P2RY8: variants seen among roughly 807,000 people sequenced by gnomAD.
P2RY8 encodes the protein P2Y receptor family member 8.
Under a neutral mutation model 10.0 loss-of-function variants are expected in P2RY8, and 6 were observed. The ratio of observed to expected loss-of-function variants is 0.60; its 90% CI spans 0.33 to 1.19. The LOEUF (loss-of-function observed/expected upper bound fraction) is 1.19, where lower values mean the gene tolerates loss of function less well. P2RY8 is among the 50% of genes most tolerant of loss of function. The pLI is 0.04. For synonymous variants in P2RY8, 276 were observed against 252.5 expected, an observed-to-expected ratio of 1.09 and a Z score of -0.88; for missense variants, 456 against 542.0, an observed-to-expected ratio of 0.84 and a Z score of 1.58.
chrX:1,511,994 T>C (rs1428657563), intron 1 of P2RY8, among the ~76,000 whole-genome samples: 1 of 152,164 alleles, frequency 6.6e-6, no homozygotes, highest in Admixed American at 6.6e-5. Context: ...CCTGTTCCTC[T>C]GCCTTTTTTT....
At chrX:1,528,147 T>C (rs1300614906) in intron 1 of P2RY8, among the ~76,000 whole-genome samples, 1 of 152,206 alleles carries the variant, frequency 6.6e-6, no homozygotes, top group Admixed American at 6.5e-5. Context: ...AGAAGTTTCC[T>C]GTGTTCATGC....
At chrX:1,521,679 AGGAAGG>A in intron 1 of P2RY8, among the ~76,000 whole-genome samples, 1 of 152,238 alleles carries the variant, frequency 6.6e-6, no homozygotes, top group Admixed American at 6.6e-5. Context: ...GAAACGGCAA[AGGAAGG>A]TGTGTTTACT....
chrX:1,507,317 A>ATGG lies in P2RY8; in HGVS notation c.-25+29603_-25+29604insCCA, dbSNP rs2092243581. Among the ~76,000 whole-genome samples the ATGG allele has an allele frequency of 2.6e-5, 4 of 152,084 alleles. No individual in the cohort carries two copies. The South Asian group carries it at 8.3e-4, about 32-fold the overall frequency. On this transcript the variant is annotated intron_variant, in intron 1 of 1. Coordinates refer to ENST00000381297, the MANE Select transcript of P2RY8 (RefSeq NM_178129.5). ...CCCCTAGATTTCACCGGACGAGATG[A>ATGG]GACCTGACATTCCACATTGTCCTTG...
intron 1 of P2RY8, among the ~76,000 whole-genome samples, chrX:1,524,561 C>G (rs867360265): frequency 0.12 from 751 of 6,372 alleles, 39 homozygotes; most frequent in African/African-American, 0.25. Flanking sequence ...ATGCATGCAT[C>G]CATCCATCCA....
At chrX:1,499,342 T>C (rs4582726) in intron 1 of P2RY8, among the ~76,000 whole-genome samples, 53,487 of 151,564 alleles carry the variant, frequency 0.35, 13,396 homozygotes, top group African/African-American at 0.71. Context: ...ATTTTTATAT[T>C]TTTAGTAGAG....
At chrX:1,482,723 GA>G (rs1282341905) in intron 1 of P2RY8, among the ~76,000 whole-genome samples, 1 of 152,098 alleles carries the variant, frequency 6.6e-6, no homozygotes, top group Non-Finnish European at 1.5e-5. Flanking sequence ...CACCATTTAT[GA>G]AAATGTGGCA....
chrX:1,492,724 C>G (rs5948913), intron 1 of P2RY8, among the ~76,000 whole-genome samples: 73,347 of 151,754 alleles, frequency 0.48, 17,895 homozygotes, highest in East Asian at 0.6. Flanking sequence ...TAGGGGTAGG[C>G]AGGTTGGGCT....
At chrX:1,522,381 A>T (rs758990279) in intron 1 of P2RY8, among the ~76,000 whole-genome samples, 1 of 152,306 alleles carries the variant, frequency 6.6e-6, no homozygotes, top group South Asian at 2.1e-4. Flanking sequence ...ATGTAGTTTC[A>T]GAATATTTTC....
chrX:1,491,701 TGTGTGGAG>T (rs2149391489), intron 1 of P2RY8, among the ~76,000 whole-genome samples: 1 of 151,836 alleles, frequency 6.6e-6, no homozygotes, highest in Non-Finnish European at 1.5e-5. Flanking sequence ...AGTGATGGAA[TGTGTGGAG>T]CAAATGAGTA....
At chrX:1,533,403 TTTA>T (rs1368220225) in intron 1 of P2RY8, among the ~76,000 whole-genome samples, 11 of 146,086 alleles carry the variant, frequency 7.5e-5, no homozygotes, top group African/African-American at 2.5e-4. Context: ...TTATGTATTT[TTTA>T]TTATTTATAT....
intron 1 of P2RY8, among the ~76,000 whole-genome samples, chrX:1,481,020 T>C (rs2091928812): frequency 6.6e-6 from 1 of 151,918 alleles, no homozygotes; most frequent in African/African-American, 2.4e-5. Context: ...TGCAAATTAA[T>C]ACCGCCGAGA....
At chrX:1,516,736 A>G (rs28778049) in intron 1 of P2RY8, among the ~76,000 whole-genome samples, 129,063 of 148,328 alleles carry the variant, frequency 0.87, 56,301 homozygotes, top group East Asian at 0.99. Context: ...AGCAGCCTGA[A>G]ATGGACGAGA....
intron 1 of P2RY8, among the ~76,000 whole-genome samples, chrX:1,536,405 G>A (rs1297800696): frequency 6.6e-6 from 1 of 152,112 alleles, no homozygotes; most frequent in Non-Finnish European, 1.5e-5. Context: ...GGGACCGCAG[G>A]CGCCCACCAC....
At chrX:1,524,200 G>A (rs1482004441) in intron 1 of P2RY8, among the ~76,000 whole-genome samples, 1 of 152,008 alleles carries the variant, frequency 6.6e-6, no homozygotes, top group African/African-American at 2.4e-5. Flanking sequence ...TTGATGGTGT[G>A]GGGGGAGCAT....
intron 1 of P2RY8, among the ~76,000 whole-genome samples, chrX:1,513,034 C>G (rs1178487112): frequency 3.3e-5 from 5 of 150,558 alleles, no homozygotes; most frequent in East Asian, 1.9e-4. Context: ...CCCCCACCCC[C>G]CAACAGGCCC....
In P2RY8 at chrX:1,465,986, G is replaced by C; in HGVS notation, c.573C>G (p.Ala191=). ...WTMLPSVAMW[A]VFLFTIFILL... is the part of the protein sequence containing the mutation. ...GGATGAAGATGGTGAAGAGGAACAC[G>C]GCCCACATGGCCACGCTGGGGAGCA... Residue 191 remains alanine, a synonymous_variant, in exon 2 of 2, where the codon GCC becomes GCG. Coordinates refer to ENST00000381297, the MANE Select transcript of P2RY8 (RefSeq NM_178129.5). 3.7e-6 allele frequency: 6 copies of C among 1,612,280 alleles called. No homozygotes were observed. The highest frequency in any genetic ancestry group is 5.1e-6 in the Non-Finnish European group (6 of 1,179,786).
At chrX:1,533,897 ATATG>A (rs1265645726) in intron 1 of P2RY8, among the ~76,000 whole-genome samples, 2 of 122,604 alleles carry the variant, frequency 1.6e-5, no homozygotes, top group East Asian at 2.7e-4. Context: ...ATATACTTAT[ATATG>A]TATTATTTAA....
At position 1,464,081 on chromosome X, in the gene P2RY8, C is replaced by G. The variant is rs1472845560; in HGVS notation, c.*1398G>C. The G allele has an allele frequency of 4.3e-6, 1 of 233,300 alleles. No individual in the cohort carries two copies. Among genetic ancestry groups the G allele is most frequent in the African/African-American group, 2.2e-5 (1 of 45,480 alleles). 14.5% of individuals were successfully genotyped at this position (233,300 alleles called of 1,614,324 possible). ...GAACAGCAGCTTCAGCCTCCATCAGCGTCCCCAGTGCACAGAAAGGGAGGG... is the reference window on the plus strand; with the variant it reads ...GAACAGCAGCTTCAGCCTCCATCAGGGTCCCCAGTGCACAGAAAGGGAGGG... On this transcript the variant is annotated 3_prime_UTR_variant, in exon 2 of 2. Coordinates refer to ENST00000381297, the MANE Select transcript of P2RY8 (RefSeq NM_178129.5).
chrX:1,483,643 G>A (rs368880430), intron 1 of P2RY8, among the ~76,000 whole-genome samples: 2 of 151,324 alleles, frequency 1.3e-5, no homozygotes, highest in Admixed American at 6.6e-5. Context: ...TAAAGAGAGA[G>A]AAAAAAAAGA....
Sources: gnomAD v4.1 joint callset for allele counts (sites outside exome capture counted in the v4.1 genomes callset) on GRCh38, gnomAD v4.1.1 for gene constraint, MANE v1.5 for transcripts, NCBI Gene and HGNC (gene_info 2026-07-23, HGNC 2026-07-21) for gene names.